Variants in ROR2 observed in about 807,000 individuals in gnomAD.
The protein encoded by ROR2 is ROR family WNT receptor 2, also known as tyrosine-protein kinase transmembrane receptor ROR2.
ROR2 carries 33 observed loss-of-function variants against 74.9 expected under a neutral mutation model. The ratio of observed to expected loss-of-function variants is 0.44; its 90% CI spans 0.33 to 0.59. The LOEUF is 0.59. ROR2 is among the 20% of genes least tolerant of loss of function. ROR2 has a pLI of 0.02. For synonymous variants in ROR2, 586 were observed against 558.7 expected (o/e 1.05, Z -0.69); for missense variants, 1,216 against 1,313.8 (o/e 0.93, Z 1.15).
chr9:91,786,965 A>AC (rs1433294911), intron 1 of ROR2, among the ~76,000 whole-genome samples: 2 of 152,172 alleles, frequency 1.3e-5, no homozygotes, highest in African/African-American at 2.4e-5. Context: ...AAGACCTGGG[A>AC]CAGGAGAGGA....
intron 2 of ROR2, among the ~76,000 whole-genome samples, chr9:91,759,739 T>C (rs1160641241): frequency 2.6e-5 from 4 of 152,198 alleles, no homozygotes; most frequent in African/African-American, 9.6e-5. Flanking sequence ...CCAGCAGCTA[T>C]ACCTGGGAAG....
At chr9:91,913,236 A>G (rs1164504997) in intron 1 of ROR2, among the ~76,000 whole-genome samples, 3 of 152,224 alleles carry the variant, frequency 2.0e-5, no homozygotes, top group African/African-American at 4.8e-5. Context: ...AAAATTGAAA[A>G]TAACTACAAA....
intron 2 of ROR2, among the ~76,000 whole-genome samples, chr9:91,770,162 C>A (rs1449915928): frequency 6.6e-6 from 1 of 152,186 alleles, no homozygotes; most frequent in African/African-American, 2.4e-5. Flanking sequence ...AGGGGGATGC[C>A]CTCATGGTGG....
intron 1 of ROR2, among the ~76,000 whole-genome samples, chr9:91,870,534 C>G (rs772357338): frequency 4.6e-5 from 7 of 152,212 alleles, no homozygotes; most frequent in Non-Finnish European, 8.8e-5. Context: ...AGGGCTCTAT[C>G]TATTTACAAA....
chr9:91,780,375 T>TAAA (rs202073940), intron 1 of ROR2, among the ~76,000 whole-genome samples: 3 of 116,964 alleles, frequency 2.6e-5, no homozygotes, highest in Admixed American at 8.6e-5. Flanking sequence ...AGACTCCGTC[T>TAAA]AAAAAAAAAA....
At chr9:91,914,016 A>C (rs899776175) in intron 1 of ROR2, among the ~76,000 whole-genome samples, 1 of 152,110 alleles carries the variant, frequency 6.6e-6, no homozygotes. Flanking sequence ...TAAGATGGTA[A>C]AGTCTCTCTG....
chr9:91,723,790 C>A lies in ROR2; in HGVS notation c.2704G>T (p.Glu902Ter). ...TGCACGGTGCTCTGGGCCCCATCTT[C>A]TGGGGCGTTCTGTGTGTCATCAGCG... ...EGADDTQNAP[E>*]DGAQSTVQEA... The change falls in exon 9 of 9, where the codon GAA (glutamate) becomes TAA (stop). Residue 902 changes from glutamate to a stop codon, truncating the protein, a stop_gained. Transcript: ENST00000375708. LOFTEE classifies it high-confidence loss of function. 6.2e-7 allele frequency: 1 copy of A among 1,613,854 alleles called. No homozygotes were observed.
intron 1 of ROR2, among the ~76,000 whole-genome samples, chr9:91,783,832 G>C (rs898618753): frequency 6.6e-6 from 1 of 151,992 alleles, no homozygotes. Context: ...CACGCACATC[G>C]TGCTCACAAC....
chr9:91,775,621 C>G, intron 2 of ROR2, 120 bp downstream of exon 2: 3 of 882,010 alleles, frequency 3.4e-6, no homozygotes, highest in East Asian at 2.5e-5. Flanking sequence ...TACCCACCAC[C>G]AGGGGGCACC....
At chr9:91,852,649 A>C (rs1026881698) in intron 1 of ROR2, among the ~76,000 whole-genome samples, 4 of 140,372 alleles carry the variant, frequency 2.8e-5, no homozygotes, top group African/African-American at 1.1e-4. Flanking sequence ...ACACACACAC[A>C]CCCACACACA....
chr9:91,785,231 T>G (rs917524604), intron 1 of ROR2, among the ~76,000 whole-genome samples: 78 of 152,214 alleles, frequency 5.1e-4, no homozygotes, highest in Non-Finnish European at 1.5e-5. Context: ...TCCCCATATG[T>G]GCATGTGGTT....
In ROR2 at chr9:91,909,842, G is replaced by GTTTTTTTTT. The variant is rs1232142986; in HGVS notation, c.97+40024_97+40025insAAAAAAAAA. Reference sequence around the variant, plus strand: ...TTTATTCTTTTTTTTTTTTAGGTTTGTTTTGTTTTTTTTTTTTTTTTTTTT... The same window carrying GTTTTTTTTT: ...TTTATTCTTTTTTTTTTTTAGGTTTGTTTTTTTTTTTTTGTTTTTTTTTTTTTTTTTTTT... On this transcript the variant is annotated intron_variant, in intron 1 of 8. Coordinates refer to ENST00000375708, the MANE Select transcript of ROR2 (RefSeq NM_004560.4). Among the ~76,000 whole-genome samples the GTTTTTTTTT allele has an allele frequency of 1.3e-3, 73 of 55,960 alleles. 8 individuals are homozygous for GTTTTTTTTT. The highest frequency in any genetic ancestry group is 2.4e-3 in the Admixed American group (9 of 3,720). The allele number at this position is 55,960 out of a possible 152,430, so 36.7% of individuals were successfully genotyped here. A position where few individuals can be genotyped will look rare whatever the true frequency, so the allele number is the denominator to read the frequency against.
chr9:91,774,621 A>G (rs931080821), intron 2 of ROR2, among the ~76,000 whole-genome samples: 1 of 152,196 alleles, frequency 6.6e-6, no homozygotes, highest in African/African-American at 2.4e-5. Flanking sequence ...GGCTTTAATC[A>G]GGTGCTGCAG....
chr9:91,802,493 C>A (rs1248031983), intron 1 of ROR2, among the ~76,000 whole-genome samples: 2 of 152,180 alleles, frequency 1.3e-5, no homozygotes, highest in Non-Finnish European at 2.9e-5. Flanking sequence ...CTTCCAGAGG[C>A]ATCACTGCTT....
chr9:91,755,982 C>CT, intron 4 of ROR2, 89 bp downstream of exon 4: 1 of 1,428,126 alleles, frequency 7.0e-7, no homozygotes, highest in South Asian at 1.1e-5. Context: ...TCGGCAAAGA[C>CT]ATGAGCTGGC....
chr9:91,845,807 G>A (rs914102787), intron 1 of ROR2, among the ~76,000 whole-genome samples: 1 of 146,820 alleles, frequency 6.8e-6, no homozygotes, highest in African/African-American at 2.6e-5. Flanking sequence ...GAACCCAGGA[G>A]GTGGAGGTTG....
chr9:91,771,068 C>T (rs1234901544), intron 2 of ROR2, among the ~76,000 whole-genome samples: 1 of 152,190 alleles, frequency 6.6e-6, no homozygotes, highest in African/African-American at 2.4e-5. Flanking sequence ...AGGGAACAGC[C>T]TAGTAACCCA....
At chr9:91,878,226 G>A (rs769260766) in intron 1 of ROR2, among the ~76,000 whole-genome samples, 1 of 152,204 alleles carries the variant, frequency 6.6e-6, no homozygotes, top group Non-Finnish European at 1.5e-5. Context: ...GCAGGAAGCA[G>A]GTAAGAATGA....
At chr9:91,914,597 T>C (rs1831078085) in intron 1 of ROR2, among the ~76,000 whole-genome samples, 1 of 152,186 alleles carries the variant, frequency 6.6e-6, no homozygotes, top group Admixed American at 6.5e-5. Flanking sequence ...CACCAGCTAC[T>C]GACTAAACAG....
Sources: allele counts gnomAD v4.1 joint callset (sites outside exome capture counted in the v4.1 genomes callset), GRCh38; gene constraint gnomAD v4.1.1; transcripts MANE v1.5; gene names NCBI Gene and HGNC (gene_info 2026-07-23, HGNC 2026-07-21).